FILIP1L: variants seen among roughly 807,000 people sequenced by gnomAD.
FILIP1L encodes filamin A-interacting protein 1-like.
A neutral mutation model predicts 96.6 loss-of-function variants in FILIP1L; 55 were observed. The ratio of observed to expected loss-of-function variants is 0.57; its 90% CI spans 0.46 to 0.71. The LOEUF is 0.71. FILIP1L is among the 30% of genes least tolerant of loss of function. FILIP1L has a pLI of 0.00. For synonymous variants in FILIP1L, 467 were observed against 473.9 expected (o/e 0.99, Z 0.19); for missense variants, 1,304 against 1,321.2 (o/e 0.99, Z 0.20).
chr3:99,918,008 T>C (rs1707006660), intron 4 of FILIP1L, among the ~76,000 whole-genome samples: 1 of 152,132 alleles, frequency 6.6e-6, no homozygotes, highest in Admixed American at 6.6e-5. Context: ...GACAGATTCT[T>C]GCTCTGTTGC....
chr3:100,001,981 C>T (rs879544024), intron 1 of FILIP1L, among the ~76,000 whole-genome samples: 11 of 152,164 alleles, frequency 7.2e-5, no homozygotes, highest in African/African-American at 2.2e-4. Context: ...CCATATCCCC[C>T]CCAATTCTGA....
intron 1 of FILIP1L, among the ~76,000 whole-genome samples, chr3:100,091,486 T>C (rs2066109116): frequency 6.6e-6 from 1 of 152,250 alleles, no homozygotes. Context: ...GTTTTAAAGA[T>C]GCATGCTGAT....
intron 1 of FILIP1L, chr3:100,040,002 C>T (rs1161209881): frequency 6.6e-6 from 1 of 152,220 alleles, no homozygotes; most frequent in East Asian, 1.9e-4. Context: ...ATCCGCCCAC[C>T]TTGGCCTTCC....
chr3:100,021,844 TTGC>T (rs2064822781), intron 1 of FILIP1L, among the ~76,000 whole-genome samples: 1 of 151,880 alleles, frequency 6.6e-6, no homozygotes. Flanking sequence ...GAACAGTGAT[TTGC>T]TGGTTAAAGG....
At chr3:100,014,185 A>C (rs1346579320) in intron 1 of FILIP1L, among the ~76,000 whole-genome samples, 1 of 150,936 alleles carries the variant, frequency 6.6e-6, no homozygotes, top group Non-Finnish European at 1.5e-5. Flanking sequence ...GTAGTATTAC[A>C]TTGTATATGT....
At chr3:99,939,247 A>G (rs1247703949) in intron 1 of FILIP1L, among the ~76,000 whole-genome samples, 1 of 152,170 alleles carries the variant, frequency 6.6e-6, no homozygotes, top group African/African-American at 2.4e-5. Context: ...CACTTGTTAT[A>G]TGCCTGTGAG....
At position 100,042,981 on chromosome 3, in the gene FILIP1L, G is replaced by A. The variant is rs113122794; in HGVS notation, c.-11+71072C>T. ...TTTGTGGAAGAAAATGACTGCATTC[G>A]CAGAACAAGAGGGATAAAGGGCTAA... On this transcript the variant is annotated intron_variant, in intron 1 of 5. Transcript: ENST00000477258. Among the ~76,000 whole-genome samples, 9 of 152,324 alleles carry A rather than the reference G, an allele frequency of 5.9e-5. 1 individual carries two copies. Among genetic ancestry groups the A allele is most frequent in the Non-Finnish European group, 8.8e-5 (6 of 68,020 alleles).
In FILIP1L at chr3:99,958,179, C is replaced by T. The variant is rs888465346; in HGVS notation, c.-10-27149G>A. On this transcript the variant is annotated intron_variant, in intron 1 of 5. Coordinates refer to ENST00000477258, the MANE Select transcript of FILIP1L (RefSeq NM_001387850.1). Reference sequence around the variant, plus strand: ...TGGTTTGCTGCAGCTATCAACCCATCACCTAGGTATTAAGCCCTGCATGCA... The same window carrying T: ...TGGTTTGCTGCAGCTATCAACCCATTACCTAGGTATTAAGCCCTGCATGCA... 2.0e-5 allele frequency among the ~76,000 whole-genome samples: 3 copies of T among 148,700 alleles called. No homozygotes were observed. In the East Asian group the frequency reaches 5.8e-4, roughly 29 times the overall value.
chr3:99,887,931 G>C (rs1705961957), intron 4 of FILIP1L, among the ~76,000 whole-genome samples: 1 of 151,916 alleles, frequency 6.6e-6, no homozygotes, highest in African/African-American at 2.4e-5. Flanking sequence ...ATAAAGATGG[G>C]GTTTTGCCAT....
intron 1 of FILIP1L, among the ~76,000 whole-genome samples, chr3:100,060,209 A>G (rs1443206584): frequency 2.0e-5 from 3 of 152,136 alleles, no homozygotes; most frequent in East Asian, 1.9e-4. Context: ...AGGAGCCCCT[A>G]AAGATTTTTT....
At chr3:100,046,753 C>T (rs2065285021) in intron 1 of FILIP1L, among the ~76,000 whole-genome samples, 2 of 152,128 alleles carry the variant, frequency 1.3e-5, no homozygotes, top group Non-Finnish European at 1.5e-5. Context: ...TGGTTTTGAA[C>T]CCTTCAAACC....
intron 1 of FILIP1L, chr3:100,075,562 T>C (rs2065836728): frequency 6.6e-6 from 1 of 151,830 alleles, no homozygotes; most frequent in Admixed American, 6.6e-5. Flanking sequence ...CTCTTTTCTT[T>C]TTCTTTTTTT....
chr3:100,004,547 A>G (rs1422027653), intron 1 of FILIP1L, among the ~76,000 whole-genome samples: 1 of 152,216 alleles, frequency 6.6e-6, no homozygotes, highest in Non-Finnish European at 1.5e-5. Context: ...CGTTTGAAAG[A>G]ATAGTTGTAG....
At chr3:99,996,658 T>A (rs1709692169) in intron 1 of FILIP1L, among the ~76,000 whole-genome samples, 1 of 151,918 alleles carries the variant, frequency 6.6e-6, no homozygotes, top group Non-Finnish European at 1.5e-5. Context: ...AGAATCATAG[T>A]GGGAGGCAAA....
chr3:100,048,792 C>T (rs2065320709), intron 1 of FILIP1L, among the ~76,000 whole-genome samples: 2 of 151,986 alleles, frequency 1.3e-5, no homozygotes, highest in Admixed American at 6.6e-5. Flanking sequence ...GGTTTTTCTC[C>T]TAGGACATTT....
intron 1 of FILIP1L, among the ~76,000 whole-genome samples, chr3:100,000,631 C>A (rs1479897176): frequency 1.3e-5 from 2 of 152,186 alleles, no homozygotes; most frequent in African/African-American, 4.8e-5. Context: ...AGGAGGATTG[C>A]TTGGGCCCAG....
At chr3:99,950,828 C>T (rs549348792) in intron 1 of FILIP1L, among the ~76,000 whole-genome samples, 21 of 151,802 alleles carry the variant, frequency 1.4e-4, no homozygotes, top group African/African-American at 4.8e-4. Context: ...ATGTATTTGG[C>T]CCAAGATTAA....
chr3:100,075,998 G>A (rs28503408), intron 1 of FILIP1L, among the ~76,000 whole-genome samples: 32,083 of 152,080 alleles, frequency 0.21, 3,521 homozygotes, highest in South Asian at 0.26. Flanking sequence ...ACAAAACTAT[G>A]TAATTTCTAA....
intron 3 of FILIP1L, among the ~76,000 whole-genome samples, chr3:99,929,572 T>G (rs1576580096): frequency 6.7e-6 from 1 of 150,218 alleles, no homozygotes; most frequent in East Asian, 2.0e-4. Context: ...ATGTGTGTGT[T>G]TGTGTGTGTA....
Sources: allele counts gnomAD v4.1 joint callset (sites outside exome capture counted in the v4.1 genomes callset), GRCh38; gene constraint gnomAD v4.1.1; transcripts MANE v1.5; gene names NCBI Gene and HGNC (gene_info 2026-07-23, HGNC 2026-07-21).